Variants in DNAH5 observed in about 807,000 individuals in gnomAD.
DNAH5 encodes dynein axonemal heavy chain 5.
In DNAH5, 372 loss-of-function variants were observed where a neutral mutation model predicts 518.2. The ratio of observed to expected loss-of-function variants is 0.72; its 90% CI spans 0.66 to 0.78. The LOEUF (loss-of-function observed/expected upper bound fraction) is 0.78, where lower values mean the gene tolerates loss of function less well. Ranked by LOEUF, DNAH5 falls within the 30% of genes least tolerant of loss-of-function variation. The probability of loss-of-function intolerance (pLI) is 0.00; values close to 1 mark genes in which losing one functional copy is unlikely to be tolerated. For missense variants in DNAH5, 5,523 were observed against 5,687.0 expected (o/e 0.97, Z 0.93); for synonymous variants, 2,039 against 2,025.9 (o/e 1.01, Z -0.17).
At chr5:13,796,377 A>G (rs562822945) in intron 47 of DNAH5, among the ~76,000 whole-genome samples, 2 of 152,352 alleles carry the variant, frequency 1.3e-5, no homozygotes, top group East Asian at 3.9e-4. Context: ...GCAATGTGCG[A>G]AAATCACAAG....
Position 13,913,910 on chromosome 5 carries a change from G to A in DNAH5, c.1369C>T (p.Pro457Ser). Residue 457 changes from proline (P) to serine (S), a missense_variant, in exon 11 of 79, where the codon CCA becomes TCA. By Grantham distance (74) the Pro-to-Ser change is moderately conservative. Coordinates refer to ENST00000265104, the MANE Select transcript of DNAH5 (RefSeq NM_001369.3). ...CTAAAATCAAATTGTTTTGCATTTG[G>A]ATTTTGTTTAAGCTTTTGTTTTGTC... Reference protein sequence around the residue: ...HKTKQKLKQNPNAKQFDFSEM... With the variant: ...HKTKQKLKQNSNAKQFDFSEM... 1 of 1,613,434 alleles carries A rather than the reference G, an allele frequency of 6.2e-7. No individual in the cohort carries two copies. The highest frequency in any genetic ancestry group is 8.5e-7 in the Non-Finnish European group (1 of 1,179,498).
Position 13,866,710 on chromosome 5 carries a change from C to G in DNAH5, c.4054-428G>C, listed in dbSNP as rs377286209. Among the ~76,000 whole-genome samples, 8 of 152,188 alleles carry G rather than the reference C, an allele frequency of 5.3e-5. No individual in the cohort carries two copies. The East Asian group carries it at 1.2e-3, about 22-fold the overall frequency. On this transcript the variant is annotated intron_variant, in intron 25 of 78. Coordinates refer to ENST00000265104, the MANE Select transcript of DNAH5 (RefSeq NM_001369.3). ...ATCAGATTTTCCAACATTAGAAAAT[C>G]TTAAATATGTGGATTTCTGTGCTTC...
intron 22 of DNAH5, among the ~76,000 whole-genome samples, chr5:13,874,253 G>C (rs1048310122): frequency 4.6e-5 from 7 of 152,182 alleles, no homozygotes; most frequent in African/African-American, 1.4e-4. Context: ...GATTATTGAA[G>C]ATTCCCAGAA....
rs1210276135 is a variant in DNAH5, at chr5:13,891,242, G to C, written c.2432-121C>G. 2.9e-6 allele frequency: 3 copies of C among 1,033,804 alleles called. No homozygotes were observed. The Admixed American group carries it at 5.9e-5, about 20-fold the overall frequency. The allele number at this position is 1,033,804 out of a possible 1,614,324, so 64.0% of individuals were successfully genotyped here. ...GCTTTAAAGATTCTCAGTTACGTATGTTCCCCAGATCCCCACTGATTCACA... is the reference window on the plus strand; with the variant it reads ...GCTTTAAAGATTCTCAGTTACGTATCTTCCCCAGATCCCCACTGATTCACA... On this transcript the variant is annotated intron_variant, in intron 16 of 78. Transcript: ENST00000265104.
chr5:13,882,973 G>A lies in DNAH5; in HGVS notation c.3105C>T (p.Asn1035=), dbSNP rs1299018804. The A allele has an allele frequency of 6.2e-7, 1 of 1,614,034 alleles. No individual in the cohort carries two copies. The highest frequency in any genetic ancestry group is 1.7e-5 in the Admixed American group (1 of 60,000). ...PALEDVQQTL[N]KAVECIISVP... is the part of the protein sequence containing the mutation. ...CACTGATGATGCACTCCACGGCTTT[G>A]TTCAGGGTCTGCTGTACATCTTCCA... The change falls in exon 20 of 79, where the codon AAC becomes AAT. Residue 1035 remains asparagine (N), a synonymous_variant. Transcript: ENST00000265104.
At chr5:14,011,455 A>T (rs1469772011) in intron 1 of DNAH5, among the ~76,000 whole-genome samples, 11 of 152,178 alleles carry the variant, frequency 7.2e-5, no homozygotes, top group Admixed American at 2.0e-4. Flanking sequence ...CAGAAACAGC[A>T]ATCCCAGCCC....
chr5:13,702,576 A>G (rs1742254903), intron 76 of DNAH5, among the ~76,000 whole-genome samples: 1 of 152,152 alleles, frequency 6.6e-6, no homozygotes, highest in South Asian at 2.1e-4. Flanking sequence ...CCCAATGGCC[A>G]CTGATCTGGA....
intron 29 of DNAH5, among the ~76,000 whole-genome samples, chr5:13,859,983 T>A (rs1371206501): frequency 6.6e-6 from 1 of 152,186 alleles, no homozygotes; most frequent in African/African-American, 2.4e-5. Context: ...GTTTTTCATA[T>A]AATATGGAGC....
At chr5:13,756,822 T>A (rs1442340433) in intron 61 of DNAH5, among the ~76,000 whole-genome samples, 1 of 152,144 alleles carries the variant, frequency 6.6e-6, no homozygotes, top group Non-Finnish European at 1.5e-5. Flanking sequence ...GCCTAGTACT[T>A]GTCAGTTATT....
At chr5:13,805,354 G>A (rs1443724650) in intron 47 of DNAH5, among the ~76,000 whole-genome samples, 3 of 151,972 alleles carry the variant, frequency 2.0e-5, no homozygotes, top group African/African-American at 7.2e-5. Context: ...AAAAATTAGC[G>A]GGGTGTGGTA....
chr5:13,990,323 C>T (rs952992631), intron 1 of DNAH5, among the ~76,000 whole-genome samples: 4 of 151,766 alleles, frequency 2.6e-5, no homozygotes, highest in South Asian at 2.1e-4. Context: ...GAGGCCGAGG[C>T]GGGTGGTTCA....
At chr5:13,712,164 C>T (rs1743574079) in intron 75 of DNAH5, among the ~76,000 whole-genome samples, 1 of 152,088 alleles carries the variant, frequency 6.6e-6, no homozygotes, top group Admixed American at 6.6e-5. Context: ...AGAAATAAAC[C>T]CAAATACTTA....
rs1448075201 is a variant in DNAH5 at position 13,700,826 on chromosome 5, G to A, written c.13537C>T (p.Leu4513Phe). 6.2e-7 allele frequency: 1 copy of A among 1,614,006 alleles called. No individual in the cohort carries two copies. The highest frequency in any genetic ancestry group is 1.3e-5 in the African/African-American group (1 of 74,894). ...NKGWALDNMV[L>F]CNEVTKWMKD... Reference sequence around the variant, plus strand: ...ATCCATTTGGTGACTTCATTGCAAAGCACCATATTGTCCAGAGCCCAGCCT... The same window carrying A: ...ATCCATTTGGTGACTTCATTGCAAAACACCATATTGTCCAGAGCCCAGCCT... Residue 4513 changes from leucine to phenylalanine, a missense_variant, in exon 78 of 79, where the codon CTT (leucine) becomes TTT (phenylalanine). Physicochemically the swap from Leu to Phe is conservative, Grantham distance 22 (BLOSUM62 0). This residue lies in a region of DNAH5 where 387 missense variants were observed against 430.0 expected (regional missense o/e 0.90). Transcript: ENST00000265104.
At chr5:13,952,935 G>C (rs1780523485) in intron 1 of DNAH5, among the ~76,000 whole-genome samples, 1 of 152,166 alleles carries the variant, frequency 6.6e-6, no homozygotes, top group Admixed American at 6.5e-5. Context: ...TGTGTGTTCA[G>C]TATTTGACCT....
At chr5:13,979,748 T>G (rs1782533135) in intron 1 of DNAH5, among the ~76,000 whole-genome samples, 1 of 152,180 alleles carries the variant, frequency 6.6e-6, no homozygotes, top group African/African-American at 2.4e-5. Flanking sequence ...TCAACTGCAT[T>G]TGGCAAACTT....
rs886059970 is a variant in DNAH5, at chr5:13,727,554, G to T, written c.11986C>A (p.Arg3996Ser). Residue 3996 changes from arginine (R) to serine (S), a missense_variant, in exon 70 of 79, where the codon CGT becomes AGT. Physicochemically the swap from Arg to Ser is moderately radical, Grantham distance 110 (BLOSUM62 -1). Coordinates refer to ENST00000265104, the MANE Select transcript of DNAH5 (RefSeq NM_001369.3). ...CACCAGGATCTAATAAGGAGAAGAC[G>T]TCTGAAGCAGTCAAGAGATTTATCA... ...AYDKSLDCFRRLLLIRSWCPD... is the reference protein window; with the variant it reads ...AYDKSLDCFRSLLLIRSWCPD... 1 of 1,613,714 alleles carries T rather than the reference G, an allele frequency of 6.2e-7. No individual in the cohort carries two copies. The highest frequency in any genetic ancestry group is 1.1e-5 in the South Asian group (1 of 91,078).
chr5:13,764,965 A>T (rs1263008031), intron 59 of DNAH5, among the ~76,000 whole-genome samples: 3 of 152,244 alleles, frequency 2.0e-5, no homozygotes, highest in African/African-American at 7.2e-5. Flanking sequence ...TAAATAAATG[A>T]TATCTCAAAC....
chr5:13,920,401 C>T (rs202159680), intron 6 of DNAH5, 79 bp downstream of exon 6: 5 of 1,569,366 alleles, frequency 3.2e-6, no homozygotes, highest in South Asian at 1.1e-5. Flanking sequence ...AATGGAATGT[C>T]GTATGTCAAT....
At chr5:13,804,624 G>A (rs1759290204) in intron 47 of DNAH5, among the ~76,000 whole-genome samples, 1 of 152,184 alleles carries the variant, frequency 6.6e-6, no homozygotes, top group Non-Finnish European at 1.5e-5. Context: ...TCTCTGGCAC[G>A]AAACAGAGTG....
Sources: allele counts gnomAD v4.1 joint callset (sites outside exome capture counted in the v4.1 genomes callset), GRCh38; gene constraint gnomAD v4.1.1; regional missense constraint gnomAD v4.1.1; transcripts MANE v1.5; gene names NCBI Gene and HGNC (gene_info 2026-07-23, HGNC 2026-07-21).